The following DGKB variants were observed in gnomAD, a reference collection of about 807,000 sequenced individuals.
The protein encoded by DGKB is 90 kDa diacylglycerol kinase.
A neutral mutation model predicts 114.3 loss-of-function variants in DGKB; 67 were observed. The ratio of observed to expected loss-of-function variants is 0.59; its 90% CI spans 0.48 to 0.72. The LOEUF is 0.72. Ranked by LOEUF, DGKB falls within the 30% of genes least tolerant of loss-of-function variation. DGKB has a pLI of 0.00. For missense variants in DGKB, 907 were observed against 975.2 expected, an observed-to-expected ratio of 0.93 and a Z score of 0.93; for synonymous variants, 398 against 323.1, an observed-to-expected ratio of 1.23 and a Z score of -2.49.
rs532183788 is a variant in DGKB at position 14,543,209 on chromosome 7, G to A, written c.1770+31003C>T. Among the ~76,000 whole-genome samples, 9 of 152,112 alleles carry A rather than the reference G, an allele frequency of 5.9e-5. 1 individual carries two copies. The highest frequency in any genetic ancestry group is 4.1e-4 in the South Asian group (2 of 4,820). ...TCACACCTGTAATCCCCACACTTTC[G>A]GAGGTGGGAGGATCGCTTGAGGCCA... On this transcript the variant is annotated intron_variant, in intron 20 of 25. Transcript: ENST00000402815.
At position 14,868,705 on chromosome 7, in the gene DGKB, A is replaced by T. The variant is rs1048299423; in HGVS notation, c.-187-27255T>A. Among the ~76,000 whole-genome samples the T allele has an allele frequency of 3.3e-5, 5 of 152,180 alleles. No individual in the cohort carries two copies. In the South Asian group the frequency reaches 1.0e-3, roughly 32 times the overall value. On this transcript the variant is annotated intron_variant, in intron 1 of 25. Transcript: ENST00000402815. ...ATTGCCCTTCTCCTCAATTTCTCCAATTTTCCACTTTCCATTCTTCCTCTT... is the reference window on the plus strand; with the variant it reads ...ATTGCCCTTCTCCTCAATTTCTCCATTTTTCCACTTTCCATTCTTCCTCTT...
At chr7:14,493,593 G>C (rs1036986621) in intron 20 of DGKB, among the ~76,000 whole-genome samples, 13 of 152,016 alleles carry the variant, frequency 8.6e-5, no homozygotes, top group African/African-American at 3.1e-4. Context: ...TAGGCTACGA[G>C]TGACCTAAGT....
intron 1 of DGKB, among the ~76,000 whole-genome samples, chr7:14,873,918 A>T: frequency 6.6e-6 from 1 of 152,126 alleles, no homozygotes; most frequent in East Asian, 1.9e-4. Flanking sequence ...AGTTGGTATA[A>T]AATATGGAAT....
intron 20 of DGKB, among the ~76,000 whole-genome samples, chr7:14,493,406 T>C (rs1784856528): frequency 1.3e-5 from 2 of 152,050 alleles, no homozygotes; most frequent in African/African-American, 4.8e-5. Flanking sequence ...CAATAACTAA[T>C]AATAAAATAG....
At chr7:14,903,344 T>C (rs1783417832), upstream of DGKB, 1 of 152,234 alleles carries the variant, frequency 6.6e-6, no homozygotes, top group Non-Finnish European at 1.5e-5. Context: ...CTCTTGCTGA[T>C]GGAGCTCAGG....
chr7:14,695,814 C>G (rs1823769824), intron 8 of DGKB, among the ~76,000 whole-genome samples: 1 of 151,630 alleles, frequency 6.6e-6, no homozygotes, highest in African/African-American at 2.4e-5. Flanking sequence ...GCCCATTTCT[C>G]TTTATTTATA....
At chr7:14,516,945 G>GA (rs143854884) in intron 20 of DGKB, among the ~76,000 whole-genome samples, 3 of 151,356 alleles carry the variant, frequency 2.0e-5, no homozygotes, top group African/African-American at 7.3e-5. Context: ...CATGGAATTA[G>GA]AAAAAAAAAA....
At chr7:14,388,503 T>C (rs1820799000) in intron 21 of DGKB, among the ~76,000 whole-genome samples, 1 of 150,544 alleles carries the variant, frequency 6.6e-6, no homozygotes, top group Admixed American at 6.6e-5. Context: ...ACAACAGTGC[T>C]GATTCTAGTC....
At chr7:14,735,701 T>C (rs1341765067) in intron 5 of DGKB, among the ~76,000 whole-genome samples, 3 of 152,232 alleles carry the variant, frequency 2.0e-5, no homozygotes, top group Non-Finnish European at 2.9e-5. Context: ...TTTTTAGATA[T>C]AGTTGCTTTG....
intron 25 of DGKB, among the ~76,000 whole-genome samples, chr7:14,165,667 T>G (rs1784519188): frequency 6.6e-6 from 1 of 152,210 alleles, no homozygotes; most frequent in Non-Finnish European, 1.5e-5. Context: ...CAATATATAT[T>G]ATGTGAAGTG....
At chr7:14,353,404 A>G (rs932124874) in intron 21 of DGKB, among the ~76,000 whole-genome samples, 4 of 152,176 alleles carry the variant, frequency 2.6e-5, no homozygotes, top group African/African-American at 7.2e-5. Context: ...CAAGACACAT[A>G]CAAAGTAAAA....
intron 1 of DGKB, among the ~76,000 whole-genome samples, chr7:14,914,776 C>A (rs574757110): frequency 6.6e-6 from 1 of 151,760 alleles, no homozygotes; most frequent in East Asian, 1.9e-4. Context: ...CATTCAAGAA[C>A]AGACAATGAA....
intron 1 of DGKB, among the ~76,000 whole-genome samples, chr7:14,944,226 C>A (rs1587430006): frequency 6.6e-6 from 1 of 151,836 alleles, no homozygotes; most frequent in Admixed American, 6.6e-5. Context: ...GACTAACCAG[C>A]TCACTTTTGA....
Position 14,698,309 on chromosome 7 carries a change from C to A in DGKB, c.517-140G>T, listed in dbSNP as rs530664636. ...ATGGGAATATATATATGTACATAAT[C>A]CTTTTTAAAGGTCTAATTAACTATA... On this transcript the variant is annotated intron_variant, in intron 7 of 25. Coordinates refer to ENST00000402815, the MANE Select transcript of DGKB (RefSeq NM_001350709.2). 49 of 522,000 alleles carry A rather than the reference C, an allele frequency of 9.4e-5. 1 individual carries two copies. In the South Asian group the frequency reaches 1.2e-3, roughly 13 times the overall value. 32.3% of individuals were successfully genotyped at this position (522,000 alleles called of 1,614,324 possible). A position where few individuals can be genotyped will look rare whatever the true frequency, so the allele number is the denominator to read the frequency against.
intron 20 of DGKB, 140 bp from the exon 21 acceptor site, chr7:14,478,365 A>T: frequency 1.9e-6 from 1 of 518,174 alleles, no homozygotes; most frequent in Non-Finnish European, 3.3e-6. Flanking sequence ...ATGTAAAATT[A>T]GGCAAAAATG....
intron 25 of DGKB, among the ~76,000 whole-genome samples, chr7:14,166,835 G>C (rs1784678377): frequency 2.0e-5 from 3 of 152,090 alleles, no homozygotes; most frequent in Admixed American, 6.5e-5. Flanking sequence ...CAGATAGAAA[G>C]TGCCAAGAAA....
chr7:14,841,618 CTA>C (rs746761823), intron 1 of DGKB, among the ~76,000 whole-genome samples, 168 bp from the exon 2 acceptor site: 2 of 152,230 alleles, frequency 1.3e-5, no homozygotes, highest in East Asian at 3.9e-4. Flanking sequence ...ATTTTTATGT[CTA>C]GTTTTACAAA....
chr7:14,249,744 A>G (rs977079993), intron 23 of DGKB, among the ~76,000 whole-genome samples: 1 of 152,058 alleles, frequency 6.6e-6, no homozygotes, highest in East Asian at 1.9e-4. Context: ...GTCTAATTAA[A>G]GGTTTGTAAT....
At chr7:14,252,178 G>T (rs1795344007) in intron 23 of DGKB, among the ~76,000 whole-genome samples, 2 of 152,008 alleles carry the variant, frequency 1.3e-5, no homozygotes, top group Non-Finnish European at 2.9e-5. Flanking sequence ...CTTCTTTCAG[G>T]TTTTTTATTC....
Sources: allele counts gnomAD v4.1 joint callset (sites outside exome capture counted in the v4.1 genomes callset), GRCh38; gene constraint gnomAD v4.1.1; transcripts MANE v1.5; gene names NCBI Gene and HGNC (gene_info 2026-07-23, HGNC 2026-07-21).